The following LCT variants were observed in gnomAD, a reference collection of about 807,000 sequenced individuals.
LCT encodes the protein lactase.
Under a neutral mutation model 173.0 loss-of-function variants are expected in LCT, and 90 were observed. That is an observed-to-expected ratio of 0.52 (90% CI 0.44 to 0.62). LCT has a LOEUF of 0.62. Among genes scored for constraint, LCT ranks in the 20% least tolerant of loss-of-function variants. The probability of loss-of-function intolerance (pLI) is 0.00; values close to 1 mark genes in which losing one functional copy is unlikely to be tolerated. For synonymous variants in LCT, 853 were observed against 957.6 expected (o/e 0.89, Z 2.02); for missense variants, 1,864 against 2,431.4 (o/e 0.77, Z 4.91).
In LCT at chr2:135,836,822, G is replaced by T. The variant is rs1679409714; in HGVS notation, c.348C>A (p.Leu116=). ...DEKTVQCYRR[L]LKALKTARLQ... ...GCCGTGCAGTCTTGAGGGCCTTGAG[G>T]AGTCGCCGGTAGCACTGCACTGTTT... The change falls in exon 1 of 17, where the codon CTC becomes CTA. Residue 116 remains leucine (L), a synonymous_variant. Transcript: ENST00000264162. 5 of 1,614,198 alleles carry T rather than the reference G, an allele frequency of 3.1e-6. No homozygotes were observed. The highest frequency in any genetic ancestry group is 4.2e-6 in the Non-Finnish European group (5 of 1,180,030).
chr2:135,810,522 CAAAT>C (rs904889043), intron 7 of LCT, among the ~76,000 whole-genome samples: 1 of 152,166 alleles, frequency 6.6e-6, no homozygotes, highest in African/African-American at 2.4e-5. Flanking sequence ...TCCCCATCTT[CAAAT>C]AAATAGTGGA....
chr2:135,836,041 T>C (rs1233423115), intron 1 of LCT, among the ~76,000 whole-genome samples: 1 of 141,100 alleles, frequency 7.1e-6, no homozygotes, highest in Non-Finnish European at 1.5e-5. Flanking sequence ...TTTTTTGAGA[T>C]TGTGTCTTGC....
intron 6 of LCT, among the ~76,000 whole-genome samples, chr2:135,816,291 G>A (rs2077780891): frequency 6.6e-6 from 1 of 152,118 alleles, no homozygotes; most frequent in African/African-American, 2.4e-5. Flanking sequence ...AGTAAAGCAT[G>A]GGTCCTTGGC....
Position 135,795,543 on chromosome 2 carries a change from C to T in LCT, c.4977-768G>A, listed in dbSNP as rs2077575053. Among the ~76,000 whole-genome samples the T allele has an allele frequency of 4.6e-5, 7 of 151,698 alleles. No individual in the cohort carries two copies. The South Asian group carries it at 1.5e-3, about 32-fold the overall frequency. ...GTGTAATTTGTATTTCCGTTTTCTG[C>T]CCTTTCCAAGTTTCTCTGCTCCTCT... is the stretch of plus-strand genomic sequence containing the variant. On this transcript the variant is annotated intron_variant, in intron 13 of 16. Transcript: ENST00000264162.
chr2:135,797,512 T>C (rs2077592098), intron 13 of LCT, among the ~76,000 whole-genome samples: 1 of 152,234 alleles, frequency 6.6e-6, no homozygotes, highest in African/African-American at 2.4e-5. Flanking sequence ...CTGGGTGATC[T>C]TGCCCTAATC....
chr2:135,836,622 G>A lies in LCT; in HGVS notation c.548C>T (p.Pro183Leu). Residue 183 changes from proline (P) to leucine (L), a missense_variant, in exon 1 of 17, where the codon CCC (proline) becomes CTC (leucine). Transcript: ENST00000264162. ...SDLEEVIKEL[P>L]HQESRASQLQ... The stretch of plus-strand genomic sequence containing the variant: ...TTGTGACGCTCTTGATTCCTGGTGG[G>A]GAAGCTCCTTGATCACTTCCTCCAA... The A allele has an allele frequency of 6.2e-7, 1 of 1,614,030 alleles. No homozygotes were observed.
Position 135,808,451 on chromosome 2 carries a change from G to C in LCT, c.3896C>G (p.Ala1299Gly), listed in dbSNP as rs1004809362. Reference sequence around the variant, plus strand: ...ACTGAACCCTCACACACCTTTCAAAGCCTCATTGATGTAGGTTTTGTGGTA... The same window carrying C: ...ACTGAACCCTCACACACCTTTCAAACCCTCATTGATGTAGGTTTTGTGGTA... ...IFYHKTYINE[A>G]LKAYRLDGID... The change falls in exon 8 of 17, where the codon GCT (alanine) becomes GGT (glycine). Residue 1299 changes from alanine to glycine, a missense_variant. This residue lies in a region of LCT where 755 missense variants were observed against 926.3 expected (regional missense o/e 0.82). Coordinates refer to ENST00000264162, the MANE Select transcript of LCT (RefSeq NM_002299.4). 1 of 1,611,472 alleles carries C rather than the reference G, an allele frequency of 6.2e-7. No individual in the cohort carries two copies. Among genetic ancestry groups the C allele is most frequent in the Non-Finnish European group, 8.5e-7 (1 of 1,177,528 alleles).
chr2:135,835,487 T>TATATAC (rs1187674214), intron 1 of LCT, among the ~76,000 whole-genome samples: 2 of 39,042 alleles, frequency 5.1e-5, no homozygotes, highest in African/African-American at 4.1e-4. Context: ...TAGAAGTATA[T>TATATAC]ATATATATAT....
At chr2:135,803,731 C>G (rs1221404887) in intron 11 of LCT, among the ~76,000 whole-genome samples, 199 bp downstream of exon 11, 1 of 152,204 alleles carries the variant, frequency 6.6e-6, no homozygotes, top group African/African-American at 2.4e-5. Flanking sequence ...GAAATGAACC[C>G]ACCTTGAGGA....
At chr2:135,813,379 C>G (rs150979553) in intron 6 of LCT, among the ~76,000 whole-genome samples, 1 of 152,282 alleles carries the variant, frequency 6.6e-6, no homozygotes, top group African/African-American at 2.4e-5. Context: ...ATCAAGTCAA[C>G]AATGTCAACA....
intron 1 of LCT, among the ~76,000 whole-genome samples, chr2:135,835,983 T>C (rs11895269): frequency 1.7e-5 from 1 of 60,046 alleles, no homozygotes; most frequent in Non-Finnish European, 4.3e-5. Flanking sequence ...TGTGTATATA[T>C]ATATATATAT....
intron 3 of LCT, among the ~76,000 whole-genome samples, chr2:135,825,730 C>T (rs185674878): frequency 4.6e-4 from 70 of 152,300 alleles, no homozygotes; most frequent in African/African-American, 1.7e-3. Context: ...GCTGAGGGCC[C>T]CTGAGGCTCA....
chr2:135,829,755 G>T, intron 2 of LCT, 79 bp from the exon 3 acceptor site: 1 of 967,174 alleles, frequency 1.0e-6, no homozygotes. Flanking sequence ...ACGCTTTTTT[G>T]TTTCTCCCCT....
chr2:135,794,548 G>C, intron 14 of LCT, 93 bp downstream of exon 14: 1 of 1,392,060 alleles, frequency 7.2e-7, no homozygotes. Context: ...TGGAGGCCCT[G>C]TTTTGAGGCT....
At chr2:135,798,536 T>A (rs2077600717) in intron 12 of LCT, among the ~76,000 whole-genome samples, 1 of 152,174 alleles carries the variant, frequency 6.6e-6, no homozygotes, top group South Asian at 2.1e-4. Context: ...CACTTCCTCA[T>A]CAAAGTGCCC....
chr2:135,798,577 T>C (rs1410682943), intron 12 of LCT, among the ~76,000 whole-genome samples: 1 of 152,252 alleles, frequency 6.6e-6, no homozygotes, highest in African/African-American at 2.4e-5. Flanking sequence ...TGGGGAGGGC[T>C]GAAATGCAAG....
In LCT at chr2:135,836,901, A is replaced by C. The variant is rs1679415439; in HGVS notation, c.269T>G (p.Phe90Cys). Residue 90 changes from phenylalanine (F) to cysteine (C), a missense_variant, in exon 1 of 17, where the codon TTT becomes TGT. Phe to Cys is a radical substitution (Grantham distance 205). Transcript: ENST00000264162. The stretch of plus-strand genomic sequence containing the variant: ...TGGGAGGAGCTGTGCCCATGACAGA[A>C]ATACCTTATAATGGGTGATCTGACT... ...HASQITHYKV[F>C]LSWAQLLPAG... is the part of the protein sequence containing the mutation. The C allele has an allele frequency of 6.2e-7, 1 of 1,614,054 alleles. No homozygotes were observed. The highest frequency in any genetic ancestry group is 1.3e-5 in the African/African-American group (1 of 74,908).
chr2:135,828,047 A>G (rs2077901432), intron 3 of LCT, among the ~76,000 whole-genome samples: 1 of 151,942 alleles, frequency 6.6e-6, no homozygotes, highest in Admixed American at 6.6e-5. Context: ...TATTTTTGAG[A>G]TGGAGTCTCG....
intron 1 of LCT, among the ~76,000 whole-genome samples, chr2:135,835,336 C>T (rs1164499118): frequency 4.0e-5 from 6 of 151,262 alleles, no homozygotes. Context: ...AGGCTGGTCT[C>T]CAACTCCTGG....
Sources: gnomAD v4.1 joint callset for allele counts (sites outside exome capture counted in the v4.1 genomes callset) on GRCh38, gnomAD v4.1.1 for gene constraint, gnomAD v4.1.1 regional missense constraint, MANE v1.5 for transcripts, NCBI Gene and HGNC (gene_info 2026-07-23, HGNC 2026-07-21) for gene names.